BMPR1A: variants seen among roughly 807,000 people sequenced by gnomAD.
BMPR1A encodes the protein bone morphogenetic protein receptor type-1A.
Under a neutral mutation model 66.0 loss-of-function variants are expected in BMPR1A, and 7 were observed. The observed-to-expected ratio is 0.11, with a 90% CI of 0.06 to 0.20. The LOEUF (loss-of-function observed/expected upper bound fraction) is 0.20. Among genes scored for constraint, BMPR1A ranks in the 10% least tolerant of loss-of-function variants. BMPR1A has a pLI of 1.00. For missense variants in BMPR1A, 408 were observed against 669.1 expected (o/e 0.61, Z 4.31); for synonymous variants, 200 against 229.7 (o/e 0.87, Z 1.17).
At chr10:86,866,790 A>G (rs984336078) in intron 2 of BMPR1A, among the ~76,000 whole-genome samples, 1 of 151,814 alleles carries the variant, frequency 6.6e-6, no homozygotes, top group Non-Finnish European at 1.5e-5. Flanking sequence ...CTCATGGTAT[A>G]CCCGACAAAA....
chr10:86,843,088 TAATG>T (rs1842445994), intron 2 of BMPR1A, among the ~76,000 whole-genome samples: 1 of 152,130 alleles, frequency 6.6e-6, no homozygotes, highest in Non-Finnish European at 1.5e-5. Context: ...AAGCAAGAAA[TAATG>T]AAGCTGTCAA....
intron 8 of BMPR1A, among the ~76,000 whole-genome samples, chr10:86,913,397 G>A (rs1261945881): frequency 6.6e-6 from 1 of 150,950 alleles, no homozygotes; most frequent in Non-Finnish European, 1.5e-5. Context: ...TAAAGTGCTG[G>A]GATTACAGGT....
rs147545798 is a variant in BMPR1A at position 86,890,431 on chromosome 10, T to C, written c.230+207T>C. 1.4e-4 allele frequency among the ~76,000 whole-genome samples: 21 copies of C among 152,250 alleles called. No homozygotes were observed. In the East Asian group the frequency reaches 3.7e-3, roughly 27 times the overall value. On this transcript the variant is annotated intron_variant, in intron 4 of 12. Transcript: ENST00000372037. ...GAGTTACTATATTAGAATTATGTTA[T>C]AATGCAGCTTTTAAAATAAGATCAA...
intron 1 of BMPR1A, among the ~76,000 whole-genome samples, chr10:86,835,588 A>AAAAG (rs1842334954): frequency 4.5e-5 from 6 of 133,408 alleles, no homozygotes; most frequent in Non-Finnish European, 6.4e-5. Context: ...AAAAAAAAAA[A>AAAAG]GGTGTTTTGG....
chr10:86,898,816 A>C (rs1843266792), intron 5 of BMPR1A, among the ~76,000 whole-genome samples: 1 of 152,136 alleles, frequency 6.6e-6, no homozygotes, highest in Non-Finnish European at 1.5e-5. Context: ...GTTTTCTCTG[A>C]ATCTGGGATT....
chr10:86,837,247 C>CTGTGTGTCTG (rs1842363956), intron 1 of BMPR1A, among the ~76,000 whole-genome samples: 18 of 138,106 alleles, frequency 1.3e-4, no homozygotes, highest in Admixed American at 4.9e-4. Context: ...GTGTGTGTGT[C>CTGTGTGTCTG]TGTGTGTGTG....
intron 1 of BMPR1A, among the ~76,000 whole-genome samples, chr10:86,837,274 T>TGTGTAA (rs1491314369): frequency 1.3e-5 from 2 of 151,600 alleles, no homozygotes; most frequent in Non-Finnish European, 2.9e-5. Context: ...TGTGTGTGTG[T>TGTGTAA]AATCAGGCTG....
intron 1 of BMPR1A, among the ~76,000 whole-genome samples, chr10:86,828,411 A>C (rs1248730222): frequency 2.0e-5 from 3 of 152,224 alleles, no homozygotes; most frequent in Non-Finnish European, 4.4e-5. Flanking sequence ...CGTAAAGGAA[A>C]GACGGGTGCA....
intron 7 of BMPR1A, among the ~76,000 whole-genome samples, chr10:86,902,911 C>T (rs1235477857): frequency 6.6e-6 from 1 of 152,154 alleles, no homozygotes; most frequent in Non-Finnish European, 1.5e-5. Flanking sequence ...CTGTTCACAC[C>T]AGCTGTGAGA....
At chr10:86,820,164 T>C (rs191369296) in intron 1 of BMPR1A, among the ~76,000 whole-genome samples, 184 of 152,256 alleles carry the variant, frequency 1.2e-3, no homozygotes, top group African/African-American at 4.2e-3. Flanking sequence ...CACCTCAGCC[T>C]CCTGAATAGC....
chr10:86,790,208 T>TAAAA (rs1841592191), intron 1 of BMPR1A, among the ~76,000 whole-genome samples: 1 of 44,118 alleles, frequency 2.3e-5, no homozygotes, highest in African/African-American at 7.9e-5. Context: ...TATATATATA[T>TAAAA]ATATATATAT....
intron 3 of BMPR1A, among the ~76,000 whole-genome samples, chr10:86,885,878 T>G (rs916002782): frequency 6.6e-6 from 1 of 152,202 alleles, no homozygotes; most frequent in Non-Finnish European, 1.5e-5. Context: ...TATGAAAAAT[T>G]ACTTAGCCAG....
intron 2 of BMPR1A, among the ~76,000 whole-genome samples, chr10:86,856,797 C>T (rs75921706): frequency 0.011 from 1,711 of 152,266 alleles, 30 homozygotes; most frequent in African/African-American, 0.039. Flanking sequence ...GTCCCCAGAC[C>T]ACCTGTTATT....
chr10:86,882,816 A>C (rs1230378327), intron 3 of BMPR1A, among the ~76,000 whole-genome samples: 1 of 151,894 alleles, frequency 6.6e-6, no homozygotes, highest in African/African-American at 2.4e-5. Context: ...AATACAAAAA[A>C]TTAGCCAGGT....
At chr10:86,776,099 T>A (rs919593850) in intron 1 of BMPR1A, among the ~76,000 whole-genome samples, 14 of 152,210 alleles carry the variant, frequency 9.2e-5, no homozygotes, top group Non-Finnish European at 1.5e-4. Context: ...CTTCTTAGAC[T>A]AATGTTTTTA....
intron 1 of BMPR1A, among the ~76,000 whole-genome samples, chr10:86,783,292 A>G (rs983980385): frequency 2.0e-5 from 3 of 152,194 alleles, no homozygotes; most frequent in Non-Finnish European, 4.4e-5. Flanking sequence ...TGAAGCCTAC[A>G]GTTTTGTTCT....
At chr10:86,777,999 G>A (rs1336637983) in intron 1 of BMPR1A, among the ~76,000 whole-genome samples, 22 of 141,532 alleles carry the variant, frequency 1.6e-4, no homozygotes, top group Non-Finnish European at 6.2e-5. Context: ...GGTAACAAGA[G>A]CGAAACTCAA....
chr10:86,773,638 GAAAATCTA>G (rs1841301241), intron 1 of BMPR1A, among the ~76,000 whole-genome samples: 1 of 143,192 alleles, frequency 7.0e-6, no homozygotes, highest in Non-Finnish European at 1.5e-5. Context: ...GATGGAAATA[GAAAATCTA>G]AAACCTCTAG....
At chr10:86,911,198 C>T (rs1168787201) in intron 7 of BMPR1A, among the ~76,000 whole-genome samples, 2 of 148,660 alleles carry the variant, frequency 1.3e-5, no homozygotes, top group Non-Finnish European at 3.0e-5. Context: ...GAACATATTT[C>T]TTGACATTAG....
Sources: allele counts gnomAD v4.1 joint callset (sites outside exome capture counted in the v4.1 genomes callset), GRCh38; gene constraint gnomAD v4.1.1; transcripts MANE v1.5; gene names NCBI Gene and HGNC (gene_info 2026-07-23, HGNC 2026-07-21).